UGT1A6: variants seen among roughly 807,000 people sequenced by gnomAD.
The protein encoded by UGT1A6 is UDP glucuronosyltransferase family 1 member A6, also known as UDP-glucuronosyltransferase 1A6.
A neutral mutation model predicts 44.4 loss-of-function variants in UGT1A6; 32 were observed. That is an observed-to-expected ratio of 0.72 (90% CI 0.54 to 0.97). UGT1A6 has a LOEUF of 0.97. UGT1A6 is among the 50% of genes least tolerant of loss of function. The pLI is 0.00. For synonymous variants in UGT1A6, 238 were observed against 248.5 expected (o/e 0.96, Z 0.40); for missense variants, 685 against 661.9 (o/e 1.03, Z -0.38).
rs1176856188 is a variant in UGT1A6, at chr2:233,693,592, C to A, written c.588C>A (p.Tyr196Ter). 1 of 1,614,232 alleles carries A rather than the reference C, an allele frequency of 6.2e-7. No homozygotes were observed. The highest frequency in any genetic ancestry group is 1.1e-5 in the South Asian group (1 of 91,082). ...PDPVSYIPRC[Y>*]TKFSDHMTFS... ...CTGTGTCCTACATTCCCAGGTGCTACACAAAGTTTTCAGACCACATGACTT... is the reference window on the plus strand; with the variant it reads ...CTGTGTCCTACATTCCCAGGTGCTAAACAAAGTTTTCAGACCACATGACTT... Residue 196 changes from tyrosine (Y) to a stop codon, truncating the protein, a stop_gained, in exon 1 of 5, where the codon TAC (tyrosine) becomes TAA (stop). Coordinates refer to ENST00000305139, the MANE Select transcript of UGT1A6 (RefSeq NM_001072.4). LOFTEE classifies it high-confidence loss of function.
At chr2:233,766,675 C>G (rs1309582394) in intron 1 of UGT1A6, among the ~76,000 whole-genome samples, 1 of 152,200 alleles carries the variant, frequency 6.6e-6, no homozygotes, top group Non-Finnish European at 1.5e-5. Context: ...CCCAGCTCTT[C>G]CCTTCTGTAT....
intron 1 of UGT1A6, chr2:233,760,638 A>C (rs752920136): frequency 6.2e-7 from 1 of 1,614,204 alleles, no homozygotes; most frequent in South Asian, 1.1e-5. Flanking sequence ...AGAAAATAAA[A>C]AAGGACTCTG....
rs765390164 is a variant in UGT1A6 at position 233,768,290 on chromosome 2, C to T, written c.1152C>T (p.Gly384=). ...SHGVYESICN[G]VPMVMMPLFG... is the part of the protein sequence containing the mutation. Reference sequence around the variant, plus strand: ...GTGTTTATGAAAGCATATGCAATGGCGTTCCCATGGTGATGATGCCCTTGT... The same window carrying T: ...GTGTTTATGAAAGCATATGCAATGGTGTTCCCATGGTGATGATGCCCTTGT... Residue 384 remains glycine, a synonymous_variant, in exon 4 of 5, where the codon GGC becomes GGT. Coordinates refer to ENST00000305139, the MANE Select transcript of UGT1A6 (RefSeq NM_001072.4). The T allele has an allele frequency of 5.0e-6, 8 of 1,614,064 alleles. No individual in the cohort carries two copies. Among genetic ancestry groups the T allele is most frequent in the African/African-American group, 2.7e-5 (2 of 74,922 alleles).
intron 1 of UGT1A6, chr2:233,719,275 A>T: frequency 6.2e-7 from 1 of 1,613,870 alleles, no homozygotes; most frequent in South Asian, 1.1e-5. Flanking sequence ...GTTTTAACAG[A>T]CCCCGTTAAC....
In UGT1A6 at chr2:233,772,680, C is replaced by T; in HGVS notation, c.*121C>T. 2 of 1,530,096 alleles carry T rather than the reference C, an allele frequency of 1.3e-6. No homozygotes were observed. The highest frequency in any genetic ancestry group is 2.5e-5 in the South Asian group (2 of 81,594). 94.8% of individuals were successfully genotyped at this position (1,530,096 alleles called of 1,614,324 possible). A position where few individuals can be genotyped will look rare whatever the true frequency, so the allele number is the denominator to read the frequency against. On this transcript the variant is annotated 3_prime_UTR_variant, in exon 5 of 5. Transcript: ENST00000305139. ...AAGGAAATACTTTGCATAAATTAAT[C>T]AGCCCCAGAGTGCTTTAAAAAATTC...
At chr2:233,713,670 G>GT in intron 1 of UGT1A6, 1 of 1,613,956 alleles carries the variant, frequency 6.2e-7, no homozygotes, top group Non-Finnish European at 8.5e-7. Context: ...TTGCCATGCT[G>GT]TTTCTGCTCC....
At chr2:233,760,708 G>A in intron 1 of UGT1A6, 2 of 1,614,172 alleles carry the variant, frequency 1.2e-6, no homozygotes, top group East Asian at 2.2e-5. Context: ...GGCCTCCCTG[G>A]CAGAAAGCAG....
intron 1 of UGT1A6, chr2:233,747,264 A>G (rs1440326311): frequency 6.9e-5 from 111 of 1,598,996 alleles, no homozygotes; most frequent in Non-Finnish European, 9.0e-5. Flanking sequence ...CAGGAGTGCT[A>G]CTCCTTCTCA....
intron 1 of UGT1A6, chr2:233,755,013 G>T: frequency 3.1e-6 from 4 of 1,294,530 alleles, no homozygotes; most frequent in Non-Finnish European, 4.2e-6. Flanking sequence ...CTACTCGAAG[G>T]GGTCCTTGAA....
chr2:233,705,322 A>C (rs144397415), intron 1 of UGT1A6, among the ~76,000 whole-genome samples: 9 of 152,304 alleles, frequency 5.9e-5, no homozygotes, highest in South Asian at 2.1e-4. Flanking sequence ...GTTTTTCAGC[A>C]ACACATTCTC....
At position 233,693,427 on chromosome 2, in the gene UGT1A6, G is replaced by T; in HGVS notation, c.423G>T (p.Glu141Asp). 6.2e-7 allele frequency: 1 copy of T among 1,614,130 alleles called. No individual in the cohort carries two copies. Among genetic ancestry groups the T allele is most frequent in the Non-Finnish European group, 8.5e-7 (1 of 1,180,016 alleles). Residue 141 changes from glutamate (E) to aspartate (D), a missense_variant, in exon 1 of 5, where the codon GAG (glutamate) becomes GAT (aspartate). Coordinates refer to ENST00000305139, the MANE Select transcript of UGT1A6 (RefSeq NM_001072.4). ...QDRDTLNFFK[E>D]SKFDALFTDP... ...GGGACACCCTGAACTTCTTTAAGGA[G>T]AGCAAGTTTGATGCTCTTTTCACAG... is the stretch of plus-strand genomic sequence containing the variant.
At chr2:233,724,191 T>C (rs1269931641) in intron 1 of UGT1A6, among the ~76,000 whole-genome samples, 4 of 105,204 alleles carry the variant, frequency 3.8e-5, no homozygotes, top group South Asian at 3.6e-4. Flanking sequence ...CCGGACGGGG[T>C]GGCTGGCCGG....
At chr2:233,694,232 G>C (rs1484971413) in intron 1 of UGT1A6, among the ~76,000 whole-genome samples, 1 of 151,986 alleles carries the variant, frequency 6.6e-6, no homozygotes, top group Non-Finnish European at 1.5e-5. Context: ...CCCATGCTTT[G>C]TCTCTGGACC....
intron 1 of UGT1A6, among the ~76,000 whole-genome samples, chr2:233,702,570 C>T (rs2075694124): frequency 6.6e-6 from 1 of 152,096 alleles, no homozygotes; most frequent in Admixed American, 6.5e-5. Context: ...AGTCTTTTAG[C>T]AGATTAGGTC....
intron 1 of UGT1A6, among the ~76,000 whole-genome samples, chr2:233,757,344 G>C (rs1023299797): frequency 6.6e-6 from 1 of 150,900 alleles, no homozygotes; most frequent in Non-Finnish European, 1.5e-5. Flanking sequence ...ATGACAGCTG[G>C]GTCTGAGAGA....
At chr2:233,700,848 A>T (rs1341869131) in intron 1 of UGT1A6, among the ~76,000 whole-genome samples, 2 of 151,952 alleles carry the variant, frequency 1.3e-5, no homozygotes, top group Non-Finnish European at 2.9e-5. Flanking sequence ...CATTAGGTAT[A>T]TCTCCTAATG....
intron 1 of UGT1A6, chr2:233,754,687 C>T: frequency 2.1e-6 from 1 of 485,706 alleles, no homozygotes; most frequent in South Asian, 1.5e-5. Context: ...TCAACTATTT[C>T]AGTGGAAGTC....
chr2:233,733,979 A>G (rs1225459712), intron 1 of UGT1A6, among the ~76,000 whole-genome samples: 1 of 152,060 alleles, frequency 6.6e-6, no homozygotes, highest in African/African-American at 2.4e-5. Flanking sequence ...GCGGGGAGGG[A>G]TAGCATTAGG....
chr2:233,768,439 G>C lies in UGT1A6; in HGVS notation c.1301G>C (p.Ser434Thr), dbSNP rs1306719122. 1 of 1,613,244 alleles carries C rather than the reference G, an allele frequency of 6.2e-7. No homozygotes were observed. The highest frequency in any genetic ancestry group is 1.1e-5 in the South Asian group (1 of 90,868). ...NALKAVINDK[S>T]YKENIMRLSS... ...CTAAAAGCAGTCATCAATGACAAAA[G>C]GTAAGAAAGAAGATACAGAAGAATA... The change falls in exon 4 of 5, where the codon AGT becomes ACT. Residue 434 changes from serine (S) to threonine (T), a missense_variant and splice_region_variant. By Grantham distance (58) the Ser-to-Thr change is moderately conservative. Transcript: ENST00000305139.
Sources: gnomAD v4.1 joint callset for allele counts (sites outside exome capture counted in the v4.1 genomes callset) on GRCh38, gnomAD v4.1.1 for gene constraint, MANE v1.5 for transcripts, NCBI Gene and HGNC (gene_info 2026-07-23, HGNC 2026-07-21) for gene names.